Variants in RXFP1 observed in about 807,000 individuals in gnomAD.
The protein encoded by RXFP1 is relaxin family peptide receptor 1.
RXFP1 carries 73 observed loss-of-function variants against 89.8 expected under a neutral mutation model. The ratio of observed to expected loss-of-function variants is 0.81; its 90% CI spans 0.67 to 0.99. The LOEUF (loss-of-function observed/expected upper bound fraction) is 0.99. RXFP1 is among the 50% of genes least tolerant of loss of function. RXFP1 has a pLI of 0.00. For missense variants in RXFP1, 793 were observed against 895.5 expected (o/e 0.89, Z 1.46); for synonymous variants, 277 against 305.5 (o/e 0.91, Z 0.97).
At chr4:158,573,447 C>T (rs1755567944) in intron 2 of RXFP1, among the ~76,000 whole-genome samples, 1 of 152,162 alleles carries the variant, frequency 6.6e-6, no homozygotes, top group Admixed American at 6.5e-5. Flanking sequence ...GCTTTGAACG[C>T]AGCCCAACAC....
chr4:158,626,113 TAG>T (rs1228403928), intron 9 of RXFP1, among the ~76,000 whole-genome samples: 1 of 18,746 alleles, frequency 5.3e-5, no homozygotes, highest in Non-Finnish European at 1.5e-4. Context: ...GATATCTATA[TAG>T]ATAGATAGAT....
chr4:158,597,851 A>C (rs1022221024), intron 3 of RXFP1, among the ~76,000 whole-genome samples: 3 of 152,182 alleles, frequency 2.0e-5, no homozygotes, highest in Non-Finnish European at 2.9e-5. Flanking sequence ...ATGAGATATG[A>C]TTGTAACTTA....
intron 2 of RXFP1, among the ~76,000 whole-genome samples, chr4:158,591,606 A>G (rs907668125): frequency 2.8e-4 from 42 of 149,706 alleles, no homozygotes; most frequent in Admixed American, 6.6e-5. Flanking sequence ...AAAAAAAATT[A>G]GTCGTGGTGG....
chr4:158,607,068 T>C, intron 5 of RXFP1: 1 of 1,535,966 alleles, frequency 6.5e-7, no homozygotes. Context: ...AGAACAATGG[T>C]GACCTGCACT....
rs981651144 is a variant in RXFP1 at position 158,645,009 on chromosome 4, A to G, written c.1216A>G (p.Ile406Val). The change falls in exon 15 of 18, where the codon ATT (isoleucine) becomes GTT (valine). Residue 406 changes from isoleucine to valine, a missense_variant. Physicochemically the swap from Ile to Val is conservative, Grantham distance 29 (BLOSUM62 3). Transcript: ENST00000307765. ...ATCTCTAGAGAATCTCTTGGCAAGC[A>G]TTATTCAGAGAGTATTTGTCTGGGT... ...ISSLENLLAS[I>V]IQRVFVWVVS... 5 of 1,614,058 alleles carry G rather than the reference A, an allele frequency of 3.1e-6. No homozygotes were observed. Among genetic ancestry groups the G allele is most frequent in the Non-Finnish European group, 4.2e-6 (5 of 1,180,016 alleles).
At chr4:158,646,652 A>G (rs1377702241) in intron 15 of RXFP1, 139 bp from the exon 16 acceptor site, 5 of 1,439,626 alleles carry the variant, frequency 3.5e-6, no homozygotes, top group East Asian at 2.5e-5. Context: ...TAAATGAATT[A>G]TTAGGAGAAT....
chr4:158,568,175 G>C (rs10029112), intron 1 of RXFP1, among the ~76,000 whole-genome samples: 13 of 152,146 alleles, frequency 8.5e-5, no homozygotes, highest in African/African-American at 2.9e-4. Flanking sequence ...AAACAAATCC[G>C]AACATCAGAA....
intron 1 of RXFP1, among the ~76,000 whole-genome samples, chr4:158,553,513 C>G (rs983286595): frequency 6.6e-6 from 1 of 152,192 alleles, no homozygotes; most frequent in South Asian, 2.1e-4. Context: ...TCATCCATAA[C>G]AACAGCAAGG....
intron 1 of RXFP1, among the ~76,000 whole-genome samples, chr4:158,572,208 T>G (rs552456740): frequency 2.0e-4 from 30 of 152,336 alleles, no homozygotes; most frequent in African/African-American, 7.0e-4. Flanking sequence ...CTATTAAACT[T>G]TCCTCTCCTT....
upstream of RXFP1, chr4:158,521,798 A>C (rs1741238142): frequency 9.2e-6 from 5 of 545,178 alleles, no homozygotes; most frequent in Non-Finnish European, 1.6e-5. Context: ...GGAGGAAAGA[A>C]AAAAAGAGGA....
Position 158,652,317 on chromosome 4 carries a change from T to C in RXFP1, c.*262T>C. On this transcript the variant is annotated 3_prime_UTR_variant, in exon 18 of 18. Transcript: ENST00000307765. ...GTAACATTCATTCATTTTTCTAACA[T>C]GCATTTATTGAGTACCCACTACTAT... 1 of 359,308 alleles carries C rather than the reference T, an allele frequency of 2.8e-6. No individual in the cohort carries two copies. Among genetic ancestry groups the C allele is most frequent in the Non-Finnish European group, 5.0e-6 (1 of 198,728 alleles). The allele number at this position is 359,308 out of a possible 1,614,324, so 22.3% of individuals were successfully genotyped here.
At chr4:158,569,765 CAAAT>C (rs1320674693) in intron 1 of RXFP1, among the ~76,000 whole-genome samples, 1 of 151,898 alleles carries the variant, frequency 6.6e-6, no homozygotes, top group African/African-American at 2.4e-5. Flanking sequence ...GAGATACAAA[CAAAT>C]AACGACAAGG....
At chr4:158,572,981 T>C (rs1755417573) in intron 2 of RXFP1, 146 bp downstream of exon 2, 1 of 1,166,064 alleles carries the variant, frequency 8.6e-7, no homozygotes, top group East Asian at 2.6e-5. Context: ...CTTATTTCAG[T>C]AGCTTAAAAT....
At chr4:158,577,873 C>T (rs147625276) in intron 2 of RXFP1, among the ~76,000 whole-genome samples, 154 of 152,252 alleles carry the variant, frequency 1.0e-3, no homozygotes, top group African/African-American at 3.4e-3. Context: ...ATTAAGGTCC[C>T]AGTTTTCTCA....
intron 1 of RXFP1, among the ~76,000 whole-genome samples, chr4:158,556,554 C>T (rs756082732): frequency 3.9e-4 from 59 of 152,164 alleles, no homozygotes; most frequent in Non-Finnish European, 6.8e-4. Flanking sequence ...AGCAATCCTA[C>T]TCCTGGGTAT....
chr4:158,617,155 C>T lies in RXFP1; in HGVS notation c.705C>T (p.Thr235=). ...ILLVLMNNVL[T]RLPDKPLCQH... ...GAGTCCTGATGAATAACGTCCTCAC[C>T]CGTTTACCTGATAAACCTCTCTGTC... Residue 235 remains threonine, a synonymous_variant, in exon 9 of 18, where the codon ACC becomes ACT. Transcript: ENST00000307765. The T allele has an allele frequency of 1.2e-6, 2 of 1,609,630 alleles. No homozygotes were observed. The highest frequency in any genetic ancestry group is 1.7e-6 in the Non-Finnish European group (2 of 1,177,638).
intron 2 of RXFP1, among the ~76,000 whole-genome samples, chr4:158,582,349 G>A (rs929990904): frequency 1.3e-5 from 2 of 152,096 alleles, no homozygotes; most frequent in African/African-American, 2.4e-5. Context: ...CCCTTCACCT[G>A]GCATTGCAGT....
At chr4:158,636,597 G>A (rs1769215838) in intron 12 of RXFP1, among the ~76,000 whole-genome samples, 1 of 152,122 alleles carries the variant, frequency 6.6e-6, no homozygotes, top group African/African-American at 2.4e-5. Flanking sequence ...TCAACCCTGT[G>A]AGGCCAATGC....
chr4:158,651,039 G>T (rs1332147479), intron 17 of RXFP1, among the ~76,000 whole-genome samples: 1 of 152,124 alleles, frequency 6.6e-6, no homozygotes, highest in South Asian at 2.1e-4. Context: ...TACAAGGATC[G>T]CTTGGGCCCA....
Sources: allele counts gnomAD v4.1 joint callset (sites outside exome capture counted in the v4.1 genomes callset), GRCh38; gene constraint gnomAD v4.1.1; transcripts MANE v1.5; gene names NCBI Gene and HGNC (gene_info 2026-07-23, HGNC 2026-07-21).